LIPI: variants seen among roughly 807,000 people sequenced by gnomAD.
LIPI encodes lipase member I.
In LIPI, 59 loss-of-function variants were observed where a neutral mutation model predicts 50.6. That is an observed-to-expected ratio of 1.16 (90% CI 0.94 to 1.45). LIPI has a LOEUF of 1.45. LIPI is among the 40% of genes most tolerant of loss of function. The probability of loss-of-function intolerance (pLI) is 0.00; values close to 1 mark genes in which losing one functional copy is unlikely to be tolerated. For missense variants in LIPI, 586 were observed against 536.3 expected (o/e 1.09, Z -0.92); for synonymous variants, 203 against 178.2 (o/e 1.14, Z -1.11).
rs150336689 is a variant in LIPI, at chr21:14,205,071, G to A, written c.46+5729C>T. ...AAAGAATACTATAGTTGAACACCAG[G>A]TAAGGGATATAAACAGATATTTTCT... On this transcript the variant is annotated intron_variant, in intron 1 of 9. Transcript: ENST00000681601. 7.8e-3 allele frequency among the ~76,000 whole-genome samples: 1,183 copies of A among 151,602 alleles called. 12 individuals carry two copies. Among genetic ancestry groups the A allele is most frequent in the Middle Eastern group, 0.045 (12 of 266 alleles).
chr21:14,115,959 G>C (rs2016615768), intron 9 of LIPI, among the ~76,000 whole-genome samples: 1 of 152,104 alleles, frequency 6.6e-6, no homozygotes, highest in South Asian at 2.1e-4. Flanking sequence ...AGTGCAGCAA[G>C]GTAGAGCTTG....
intron 8 of LIPI, among the ~76,000 whole-genome samples, chr21:14,149,676 A>G (rs1164227322): frequency 6.6e-6 from 1 of 151,894 alleles, no homozygotes; most frequent in African/African-American, 2.4e-5. Flanking sequence ...AATGAGAGCA[A>G]TTGGCCAAAA....
At chr21:14,206,893 A>T (rs748142249) in intron 1 of LIPI, 4 of 1,611,934 alleles carry the variant, frequency 2.5e-6, no homozygotes, top group Non-Finnish European at 3.4e-6. Flanking sequence ...TATTTTTGGC[A>T]CAAGTTATTA....
intron 1 of LIPI, among the ~76,000 whole-genome samples, chr21:14,202,186 T>C (rs1409852812): frequency 6.6e-6 from 1 of 152,030 alleles, no homozygotes; most frequent in African/African-American, 2.4e-5. Context: ...TAAAAGAGGA[T>C]ACAAACAAAT....
At chr21:14,206,133 C>T (rs1281585598) in intron 1 of LIPI, among the ~76,000 whole-genome samples, 1 of 152,104 alleles carries the variant, frequency 6.6e-6, no homozygotes, top group Non-Finnish European at 1.5e-5. Flanking sequence ...ATTTCCATTA[C>T]AGTTACAATG....
At chr21:14,186,102 T>C (rs371892699) in intron 2 of LIPI, 33 bp from the exon 3 acceptor site, 31 of 1,170,556 alleles carry the variant, frequency 2.6e-5, no homozygotes, top group Non-Finnish European at 1.8e-5. Flanking sequence ...TATTACAGTA[T>C]TCATTTCAAG....
intron 4 of LIPI, among the ~76,000 whole-genome samples, chr21:14,173,133 C>G (rs377148324): frequency 2.6e-5 from 4 of 152,136 alleles, no homozygotes; most frequent in African/African-American, 7.2e-5. Context: ...GAGGCGGTGA[C>G]CCCAGTGGAT....
intron 9 of LIPI, among the ~76,000 whole-genome samples, chr21:14,137,681 A>G (rs112273987): frequency 1.3e-5 from 2 of 152,194 alleles, no homozygotes; most frequent in African/African-American, 4.8e-5. Context: ...TCAAAGGGAT[A>G]ATAACTGATC....
rs970768721 is a variant in LIPI at position 14,108,929 on chromosome 21, T to C, written c.*64A>G. 6.3e-7 allele frequency: 1 copy of C among 1,593,832 alleles called. No individual in the cohort carries two copies. Among genetic ancestry groups the C allele is most frequent in the Non-Finnish European group, 8.6e-7 (1 of 1,163,464 alleles). ...TGAACAGTGCATTATAAAAGACTGA[T>C]TGCATTGTTTCATTTACAAGTCCAT... On this transcript the variant is annotated 3_prime_UTR_variant, in exon 10 of 10. Coordinates refer to ENST00000681601, the MANE Select transcript of LIPI (RefSeq NM_001302998.2).
At chr21:14,117,374 G>A (rs1237282241) in intron 9 of LIPI, among the ~76,000 whole-genome samples, 8 of 152,152 alleles carry the variant, frequency 5.3e-5, no homozygotes, top group Middle Eastern at 3.2e-3. Context: ...ACAGAAGAAC[G>A]CTGCAGAGTA....
At chr21:14,196,248 T>A (rs2019847726) in intron 1 of LIPI, among the ~76,000 whole-genome samples, 1 of 151,156 alleles carries the variant, frequency 6.6e-6, no homozygotes, top group Non-Finnish European at 1.5e-5. Context: ...AGAAATAAAC[T>A]TTTTATGCAT....
chr21:14,127,768 G>T (rs1394928204), intron 9 of LIPI, among the ~76,000 whole-genome samples: 2 of 152,088 alleles, frequency 1.3e-5, no homozygotes, highest in African/African-American at 4.8e-5. Context: ...CCAACATTCT[G>T]TACTAAGGTG....
At chr21:14,162,854 G>T (rs1396506368) in intron 7 of LIPI, among the ~76,000 whole-genome samples, 1 of 151,586 alleles carries the variant, frequency 6.6e-6, no homozygotes, top group African/African-American at 2.4e-5. Flanking sequence ...CACATAAAAA[G>T]GACTCATTTT....
intron 1 of LIPI, among the ~76,000 whole-genome samples, chr21:14,208,000 C>T (rs965598214): frequency 6.6e-6 from 1 of 152,160 alleles, no homozygotes; most frequent in Non-Finnish European, 1.5e-5. Context: ...ATTTCATTTT[C>T]TTTCACATGA....
At chr21:14,182,400 A>G (rs2019304749) in intron 3 of LIPI, among the ~76,000 whole-genome samples, 1 of 152,146 alleles carries the variant, frequency 6.6e-6, no homozygotes, top group East Asian at 1.9e-4. Context: ...GAGTGTGAAT[A>G]TTATTTCTGG....
In LIPI at chr21:14,196,377, C is replaced by A. The variant is rs536693584; in HGVS notation, c.47-6958G>T. 1.1e-4 allele frequency among the ~76,000 whole-genome samples: 17 copies of A among 152,064 alleles called. No homozygotes were observed. In the East Asian group the frequency reaches 1.7e-3, roughly 16 times the overall value. ...TCTATAAAAGAAATATTTAATCTAGCGTCATAAAGAAGGTCTGGGTTATAT... is the reference window on the plus strand; with the variant it reads ...TCTATAAAAGAAATATTTAATCTAGAGTCATAAAGAAGGTCTGGGTTATAT... On this transcript the variant is annotated intron_variant, in intron 1 of 9. Transcript: ENST00000681601.
chr21:14,175,006 G>A (rs2019045828), intron 4 of LIPI, among the ~76,000 whole-genome samples: 1 of 152,160 alleles, frequency 6.6e-6, no homozygotes, highest in African/African-American at 2.4e-5. Flanking sequence ...AATCCACATT[G>A]TCAGGTGTAA....
intron 6 of LIPI, 123 bp downstream of exon 6, chr21:14,165,100 C>T: frequency 1.4e-6 from 1 of 710,506 alleles, no homozygotes; most frequent in Non-Finnish European, 2.4e-6. Context: ...GATGATTTTT[C>T]CATAAAATGG....
At chr21:14,158,796 T>C (rs1177143604) in intron 7 of LIPI, among the ~76,000 whole-genome samples, 4 of 150,756 alleles carry the variant, frequency 2.7e-5, no homozygotes, top group African/African-American at 9.7e-5. Flanking sequence ...AAATCACTGT[T>C]AGGAATAAAA....
Sources: gnomAD v4.1 joint callset for allele counts (sites outside exome capture counted in the v4.1 genomes callset) on GRCh38, gnomAD v4.1.1 for gene constraint, MANE v1.5 for transcripts, NCBI Gene and HGNC (gene_info 2026-07-23, HGNC 2026-07-21) for gene names.